Variants in TRIM44 observed in about 807,000 individuals in gnomAD.
TRIM44 encodes tripartite motif-containing protein 44.
In TRIM44, 13 loss-of-function variants were observed where a neutral mutation model predicts 37.4. The observed-to-expected ratio is 0.35, with a 90% confidence interval of 0.23 to 0.55. The LOEUF is 0.55. Among genes scored for constraint, TRIM44 ranks in the 20% least tolerant of loss-of-function variants. The pLI is 0.89. For missense variants in TRIM44, 426 were observed against 437.2 expected (o/e 0.97, Z 0.23); for synonymous variants, 175 against 157.2 (o/e 1.11, Z -0.85).
chr11:35,753,720 C>A (rs1482633864), intron 4 of TRIM44, among the ~76,000 whole-genome samples: 1 of 151,952 alleles, frequency 6.6e-6, no homozygotes, highest in South Asian at 2.1e-4. Context: ...AATATAGTTG[C>A]CAAATTGATT....
At chr11:35,738,342 A>G (rs960954189) in intron 4 of TRIM44, among the ~76,000 whole-genome samples, 2 of 150,844 alleles carry the variant, frequency 1.3e-5, no homozygotes, top group African/African-American at 5.0e-5. Context: ...TTTTGACAAG[A>G]TAATGGAAAG....
At chr11:35,696,260 G>C (rs776000196) in intron 2 of TRIM44, among the ~76,000 whole-genome samples, 2 of 150,906 alleles carry the variant, frequency 1.3e-5, no homozygotes, top group African/African-American at 4.9e-5. Context: ...TCCTGCCTCA[G>C]CCTCCTGAGT....
chr11:35,771,280 T>C (rs1053626769), intron 4 of TRIM44, among the ~76,000 whole-genome samples: 8 of 152,198 alleles, frequency 5.3e-5, no homozygotes, highest in Admixed American at 1.3e-4. Flanking sequence ...AAGGTGACTC[T>C]TGTTATGTTT....
intron 4 of TRIM44, among the ~76,000 whole-genome samples, 183 bp from the exon 5 acceptor site, chr11:35,806,175 C>T (rs1853446081): frequency 6.6e-6 from 1 of 152,106 alleles, no homozygotes; most frequent in Non-Finnish European, 1.5e-5. Context: ...CCCCTATGGC[C>T]AGATAAAGAA....
intron 1 of TRIM44, among the ~76,000 whole-genome samples, chr11:35,676,234 T>G (rs749246077): frequency 1.3e-5 from 2 of 152,210 alleles, no homozygotes; most frequent in Non-Finnish European, 2.9e-5. Context: ...GCCTGGAATA[T>G]CATAAGCCCT....
intron 2 of TRIM44, among the ~76,000 whole-genome samples, chr11:35,704,856 A>G (rs1851854612): frequency 6.6e-6 from 1 of 152,070 alleles, no homozygotes; most frequent in Non-Finnish European, 1.5e-5. Flanking sequence ...GCATCAACTA[A>G]TGAGCAAAAT....
intron 3 of TRIM44, among the ~76,000 whole-genome samples, chr11:35,729,178 A>C (rs1357862104): frequency 6.6e-6 from 1 of 152,142 alleles, no homozygotes; most frequent in Non-Finnish European, 1.5e-5. Context: ...AGACAAAAAA[A>C]AAATACCCAA....
chr11:35,799,532 T>A (rs1404771352), intron 4 of TRIM44, among the ~76,000 whole-genome samples: 1 of 152,190 alleles, frequency 6.6e-6, no homozygotes, highest in East Asian at 1.9e-4. Context: ...TAATATCCCA[T>A]TTTTTCAGGT....
intron 2 of TRIM44, among the ~76,000 whole-genome samples, chr11:35,695,654 C>T (rs1375668411): frequency 6.6e-6 from 1 of 152,054 alleles, no homozygotes; most frequent in African/African-American, 2.4e-5. Flanking sequence ...ATGAAGTTTT[C>T]AGAAACTGCA....
chr11:35,702,878 C>T (rs1474895036), intron 2 of TRIM44, among the ~76,000 whole-genome samples: 3 of 152,246 alleles, frequency 2.0e-5, no homozygotes, highest in Non-Finnish European at 4.4e-5. Context: ...CCGGGTTCAT[C>T]TCACTAGGGA....
chr11:35,690,557 C>G (rs768605788), intron 2 of TRIM44, among the ~76,000 whole-genome samples: 13 of 152,212 alleles, frequency 8.5e-5, no homozygotes, highest in Non-Finnish European at 1.6e-4. Context: ...ATTCAACCAG[C>G]TGAAGCAGAG....
intron 4 of TRIM44, among the ~76,000 whole-genome samples, chr11:35,766,642 C>T (rs977476413): frequency 3.9e-5 from 6 of 152,048 alleles, no homozygotes; most frequent in Non-Finnish European, 8.8e-5. Flanking sequence ...TAGTTCTTAC[C>T]CCTGTTTCTC....
intron 2 of TRIM44, among the ~76,000 whole-genome samples, chr11:35,712,725 C>T (rs191679032): frequency 1.2e-3 from 185 of 152,246 alleles, no homozygotes; most frequent in African/African-American, 4.3e-3. Flanking sequence ...GATTACACAG[C>T]GAACCTGGAG....
At chr11:35,742,830 CA>C (rs1198502160) in intron 4 of TRIM44, among the ~76,000 whole-genome samples, 10 of 141,436 alleles carry the variant, frequency 7.1e-5, no homozygotes, top group African/African-American at 2.6e-4. Flanking sequence ...ATTAATTATA[CA>C]TTAATATCAT....
chr11:35,702,505 A>G (rs1851803320), intron 2 of TRIM44, among the ~76,000 whole-genome samples: 1 of 152,188 alleles, frequency 6.6e-6, no homozygotes, highest in South Asian at 2.1e-4. Context: ...AGGAGAACGC[A>G]TCTTTATTGA....
rs1456643186 is a variant in TRIM44, at chr11:35,814,924, G to A, written c.*8539G>A. On this transcript the variant is annotated 3_prime_UTR_variant, in exon 5 of 5. Transcript: ENST00000299413. The stretch of plus-strand genomic sequence containing the variant: ...TTGTCCACCACTTCCCAATGATAAT[G>A]CCTGGCTCGGACCCCAGATTCACAT... 1 of 152,134 alleles carries A rather than the reference G, an allele frequency of 6.6e-6. No homozygotes were observed. Among genetic ancestry groups the A allele is most frequent in the Non-Finnish European group, 1.5e-5 (1 of 68,056 alleles). 9.4% of individuals were successfully genotyped at this position (152,134 alleles called of 1,614,324 possible). A position where few individuals can be genotyped will look rare whatever the true frequency, so the allele number is the denominator to read the frequency against.
intron 2 of TRIM44, among the ~76,000 whole-genome samples, chr11:35,724,667 T>A (rs1175154642): frequency 6.6e-6 from 1 of 152,250 alleles, no homozygotes; most frequent in East Asian, 1.9e-4. Context: ...GCCTTTCTTA[T>A]GCCCTAAGCA....
chr11:35,674,885 A>G lies in TRIM44; in HGVS notation c.670-10374A>G, dbSNP rs1017487882. On this transcript the variant is annotated intron_variant, in intron 1 of 4. Transcript: ENST00000299413. ...TGGAGAGAAAAGAGAAATTGATATC[A>G]CTGGAGGGCATGGAGCCAGGAATAG... Among the ~76,000 whole-genome samples the G allele has an allele frequency of 5.3e-5, 8 of 152,232 alleles. 1 individual carries two copies. The highest frequency in any genetic ancestry group is 3.9e-4 in the Admixed American group (6 of 15,282).
intron 4 of TRIM44, among the ~76,000 whole-genome samples, chr11:35,754,225 A>G (rs1408154046): frequency 6.6e-6 from 1 of 152,194 alleles, no homozygotes; most frequent in Non-Finnish European, 1.5e-5. Flanking sequence ...GCATGCTAAT[A>G]TCACTGTAGT....
Sources: gnomAD v4.1 joint callset for allele counts (sites outside exome capture counted in the v4.1 genomes callset) on GRCh38, gnomAD v4.1.1 for gene constraint, MANE v1.5 for transcripts, NCBI Gene and HGNC (gene_info 2026-07-23, HGNC 2026-07-21) for gene names.